The following PLEKHM3 variants were observed in gnomAD, a reference collection of about 807,000 sequenced individuals.
PLEKHM3 encodes pleckstrin homology domain-containing family M member 3.
Under a neutral mutation model 81.8 loss-of-function variants are expected in PLEKHM3, and 45 were observed. The ratio of observed to expected loss-of-function variants is 0.55; its 90% confidence interval spans 0.43 to 0.71. The LOEUF (loss-of-function observed/expected upper bound fraction) is 0.71, where lower values mean the gene tolerates loss of function less well. Ranked by LOEUF, PLEKHM3 falls within the 30% of genes least tolerant of loss-of-function variation. PLEKHM3 has a pLI of 0.00. For synonymous variants in PLEKHM3, 352 were observed against 356.4 expected (o/e 0.99, Z 0.14); for missense variants, 788 against 924.3 (o/e 0.85, Z 1.91).
chr2:207,845,530 T>C (rs551906995), intron 7 of PLEKHM3, among the ~76,000 whole-genome samples: 3 of 152,352 alleles, frequency 2.0e-5, no homozygotes, highest in South Asian at 2.1e-4. Context: ...TCACATTTTT[T>C]ACATCATCTC....
intron 1 of PLEKHM3, among the ~76,000 whole-genome samples, chr2:208,011,335 A>G (rs1692685284): frequency 6.6e-6 from 1 of 152,186 alleles, no homozygotes; most frequent in African/African-American, 2.4e-5. Context: ...TGTGGAACCA[A>G]CCCAAATGCT....
chr2:207,909,271 A>G (rs1194579920), intron 5 of PLEKHM3, among the ~76,000 whole-genome samples: 1 of 152,246 alleles, frequency 6.6e-6, no homozygotes, highest in Non-Finnish European at 1.5e-5. Context: ...CAATGAATGA[A>G]CAGACAAAAA....
At chr2:207,846,607 C>T (rs2092384491) in intron 7 of PLEKHM3, among the ~76,000 whole-genome samples, 3 of 151,850 alleles carry the variant, frequency 2.0e-5, no homozygotes, top group Admixed American at 1.3e-4. Context: ...CCTGTAGTCC[C>T]AGCTACTCGG....
rs1301898540 is a variant in PLEKHM3 at position 207,930,999 on chromosome 2, G to T, written c.1813C>A (p.Arg605=). 6.2e-7 allele frequency: 1 copy of T among 1,613,734 alleles called. No homozygotes were observed. The highest frequency in any genetic ancestry group is 1.1e-5 in the South Asian group (1 of 91,062). ...GCTCGGAGCGACTTCAGCCGCTGCC[G>T]CAGCCGCAGCACGGCGGCCAGCGGC... ...AEPLAAVLRL[R]QRLKSLRAYL... Residue 605 remains arginine (R), a synonymous_variant, in exon 5 of 8, where the codon CGG becomes AGG. Transcript: ENST00000427836.
At chr2:207,875,793 GAGGCCCT>G (rs1167619784) in intron 6 of PLEKHM3, among the ~76,000 whole-genome samples, 2 of 152,052 alleles carry the variant, frequency 1.3e-5, no homozygotes, top group Admixed American at 1.3e-4. Context: ...GCAACACAGT[GAGGCCCT>G]GTCTCTTAAA....
chr2:207,842,026 C>T (rs1368230646), intron 7 of PLEKHM3, among the ~76,000 whole-genome samples: 1 of 152,224 alleles, frequency 6.6e-6, no homozygotes, highest in Non-Finnish European at 1.5e-5. Flanking sequence ...CAAGCTCCGC[C>T]TCCCGGGTTC....
At chr2:207,881,034 A>G (rs1324494934) in intron 6 of PLEKHM3, among the ~76,000 whole-genome samples, 1 of 151,782 alleles carries the variant, frequency 6.6e-6, no homozygotes, top group Non-Finnish European at 1.5e-5. Context: ...AACACTCTGA[A>G]TATAGTAGAT....
intron 7 of PLEKHM3, among the ~76,000 whole-genome samples, chr2:207,859,854 C>T (rs1410074840): frequency 6.6e-6 from 1 of 152,144 alleles, no homozygotes; most frequent in Non-Finnish European, 1.5e-5. Flanking sequence ...GCCTCGGCCT[C>T]CCAAAGTGCT....
At chr2:207,867,620 A>G (rs564506179) in intron 6 of PLEKHM3, among the ~76,000 whole-genome samples, 110 of 152,258 alleles carry the variant, frequency 7.2e-4, no homozygotes, top group African/African-American at 2.5e-3. Flanking sequence ...TTGAAAAAGC[A>G]TACATACATA....
chr2:207,851,294 C>A (rs2092411206), intron 7 of PLEKHM3: 1 of 151,892 alleles, frequency 6.6e-6, no homozygotes. Flanking sequence ...CAAGGCTGTG[C>A]TTTCCTTGTA....
At chr2:207,913,843 T>C (rs1688891527) in intron 5 of PLEKHM3, among the ~76,000 whole-genome samples, 1 of 151,932 alleles carries the variant, frequency 6.6e-6, no homozygotes, top group African/African-American at 2.4e-5. Flanking sequence ...AAGCCTGGCC[T>C]TCAAAAGGCC....
intron 6 of PLEKHM3, among the ~76,000 whole-genome samples, chr2:207,865,649 G>A (rs898167625): frequency 4.0e-5 from 6 of 150,544 alleles, no homozygotes; most frequent in Non-Finnish European, 7.4e-5. Flanking sequence ...GCATGGTGGT[G>A]TATGCCTGTA....
intron 7 of PLEKHM3, chr2:207,851,814 T>C (rs2092414402): frequency 6.6e-6 from 1 of 151,646 alleles, no homozygotes; most frequent in Admixed American, 6.6e-5. Context: ...AGCATTATCT[T>C]CTGAATGGAG....
chr2:207,842,381 G>C (rs1234317857), intron 7 of PLEKHM3, among the ~76,000 whole-genome samples: 1 of 152,178 alleles, frequency 6.6e-6, no homozygotes, highest in African/African-American at 2.4e-5. Context: ...TTTATATAAG[G>C]ATAAAGGCAT....
intron 5 of PLEKHM3, 44 bp from the exon 6 acceptor site, chr2:207,908,621 T>A (rs777271771): frequency 4.6e-6 from 7 of 1,506,706 alleles, no homozygotes; most frequent in Non-Finnish European, 6.4e-6. Context: ...GGTGCTGCCA[T>A]AACACACATT....
At chr2:207,893,714 T>C (rs1167560401) in intron 6 of PLEKHM3, among the ~76,000 whole-genome samples, 1 of 152,144 alleles carries the variant, frequency 6.6e-6, no homozygotes, top group Non-Finnish European at 1.5e-5. Context: ...TCAAAAGTCC[T>C]TTTTGGAATC....
At chr2:207,888,965 C>T (rs1028353119) in intron 6 of PLEKHM3, among the ~76,000 whole-genome samples, 1 of 152,158 alleles carries the variant, frequency 6.6e-6, no homozygotes, top group African/African-American at 2.4e-5. Flanking sequence ...CTAAACTTAA[C>T]TAGTATTAGC....
At position 207,977,594 on chromosome 2, in the gene PLEKHM3, G is replaced by C. The variant is rs900671445; in HGVS notation, c.611-8C>G. The C allele has an allele frequency of 1.9e-6, 3 of 1,582,412 alleles. No individual in the cohort carries two copies. The highest frequency in any genetic ancestry group is 2.7e-5 in the African/African-American group (2 of 73,482). On this transcript the variant is annotated splice_polypyrimidine_tract_variant and splice_region_variant and intron_variant, in intron 2 of 7. Transcript: ENST00000427836. ...GGAATGTCTGCTTGTGTTCTAGAAA[G>C]GAAAAGAGAGGCAAAGTATTGATTA...
chr2:208,011,064 CAAA>C (rs10587149), intron 1 of PLEKHM3, among the ~76,000 whole-genome samples: 2 of 65,042 alleles, frequency 3.1e-5, no homozygotes, highest in Non-Finnish European at 4.0e-5. Context: ...TGGCCATAAT[CAAA>C]AAAAAAAAAA....
Sources: allele counts gnomAD v4.1 joint callset (sites outside exome capture counted in the v4.1 genomes callset), GRCh38; gene constraint gnomAD v4.1.1; transcripts MANE v1.5; gene names NCBI Gene and HGNC (gene_info 2026-07-23, HGNC 2026-07-21).